The following FAM222B variants were observed in gnomAD, a reference collection of about 807,000 sequenced individuals.
FAM222B encodes the protein protein FAM222B.
A neutral mutation model predicts 38.0 loss-of-function variants in FAM222B; 12 were observed. The ratio of observed to expected loss-of-function variants is 0.32; its 90% CI spans 0.20 to 0.51. The LOEUF is 0.51. Ranked by LOEUF, FAM222B falls within the 20% of genes least tolerant of loss-of-function variation. The pLI is 0.97. For synonymous variants in FAM222B, 329 were observed against 317.2 expected (o/e 1.04, Z -0.40); for missense variants, 716 against 754.2 (o/e 0.95, Z 0.59).
chr17:28,798,479 C>A (rs150383570), intron 1 of FAM222B, among the ~76,000 whole-genome samples: 23 of 152,244 alleles, frequency 1.5e-4, no homozygotes, highest in Non-Finnish European at 2.2e-4. Flanking sequence ...CAGAGCAATC[C>A]TCACTAAGAA....
At chr17:28,795,435 C>A in intron 1 of FAM222B, among the ~76,000 whole-genome samples, 1 of 152,096 alleles carries the variant, frequency 6.6e-6, no homozygotes, top group East Asian at 1.9e-4. Flanking sequence ...CCACCGCACC[C>A]AGACTTCTTT....
chr17:28,804,130 C>A (rs2037365971), intron 1 of FAM222B, among the ~76,000 whole-genome samples: 1 of 152,182 alleles, frequency 6.6e-6, no homozygotes, highest in Non-Finnish European at 1.5e-5. Context: ...GGAACCAGGA[C>A]ATCTATCTTC....
At chr17:28,766,880 G>C (rs1330135345) in intron 1 of FAM222B, 173 bp from the exon 2 acceptor site, 5 of 537,588 alleles carry the variant, frequency 9.3e-6, no homozygotes, top group Non-Finnish European at 1.3e-5. Context: ...ACAATTTGCT[G>C]TCAAATATCA....
chr17:28,791,944 A>G (rs1312523658), intron 1 of FAM222B, among the ~76,000 whole-genome samples: 1 of 150,790 alleles, frequency 6.6e-6, no homozygotes, highest in Non-Finnish European at 1.5e-5. Flanking sequence ...AAAGGTGTGA[A>G]CCACCTGTGC....
At chr17:28,784,798 A>G (rs562900283) in intron 1 of FAM222B, among the ~76,000 whole-genome samples, 1 of 152,074 alleles carries the variant, frequency 6.6e-6, no homozygotes, top group South Asian at 2.1e-4. Flanking sequence ...CCCAGGCTTC[A>G]ATATCCAATG....
intron 1 of FAM222B, among the ~76,000 whole-genome samples, chr17:28,770,646 T>C (rs1371296625): frequency 2.0e-5 from 3 of 151,334 alleles, no homozygotes; most frequent in Non-Finnish European, 4.4e-5. Context: ...TCTCGGCGGC[T>C]ACAATGCTCC....
At chr17:28,764,185 C>G (rs1174916081) in intron 2 of FAM222B, among the ~76,000 whole-genome samples, 2 of 148,374 alleles carry the variant, frequency 1.3e-5, no homozygotes, top group East Asian at 4.0e-4. Context: ...GGCAGGAGCA[C>G]TGCTTAAACC....
At chr17:28,795,956 A>G (rs1333363931) in intron 1 of FAM222B, among the ~76,000 whole-genome samples, 2 of 152,208 alleles carry the variant, frequency 1.3e-5, no homozygotes, top group Non-Finnish European at 2.9e-5. Context: ...TGCTCCTAAT[A>G]GATTATTTTA....
chr17:28,794,127 A>G (rs1340476905), intron 1 of FAM222B, among the ~76,000 whole-genome samples: 1 of 152,146 alleles, frequency 6.6e-6, no homozygotes, highest in Non-Finnish European at 1.5e-5. Context: ...ACACAACAAC[A>G]AAGGATACGA....
intron 1 of FAM222B, among the ~76,000 whole-genome samples, chr17:28,854,170 C>G (rs944561520): frequency 2.0e-5 from 3 of 152,082 alleles, no homozygotes; most frequent in African/African-American, 4.8e-5. Flanking sequence ...GTCTCGATCT[C>G]CTGACCTCGT....
chr17:28,772,093 A>G (rs541594995), intron 1 of FAM222B, among the ~76,000 whole-genome samples: 1 of 152,250 alleles, frequency 6.6e-6, no homozygotes, highest in Admixed American at 6.5e-5. Context: ...ATAAGGGGGA[A>G]AAAATCACTG....
At chr17:28,829,511 T>C (rs1363046839) in intron 1 of FAM222B, among the ~76,000 whole-genome samples, 1 of 152,188 alleles carries the variant, frequency 6.6e-6, no homozygotes, top group Non-Finnish European at 1.5e-5. Flanking sequence ...ATCACTGATC[T>C]GTTCCCCACT....
chr17:28,781,531 G>C (rs1380814527), intron 1 of FAM222B, among the ~76,000 whole-genome samples: 1 of 152,042 alleles, frequency 6.6e-6, no homozygotes, highest in Non-Finnish European at 1.5e-5. Flanking sequence ...TCCCACTACT[G>C]GGCATATATA....
intron 1 of FAM222B, among the ~76,000 whole-genome samples, chr17:28,803,090 C>G (rs1176219283): frequency 2.6e-5 from 4 of 151,962 alleles, no homozygotes; most frequent in Non-Finnish European, 4.4e-5. Context: ...CTCACTGCAA[C>G]CTCCACCTCC....
At chr17:28,781,948 T>C (rs1238328567) in intron 1 of FAM222B, among the ~76,000 whole-genome samples, 1 of 152,134 alleles carries the variant, frequency 6.6e-6, no homozygotes, top group Non-Finnish European at 1.5e-5. Flanking sequence ...ATGGTGACTA[T>C]AGTTAATAAC....
rs573742014 is a variant in FAM222B at position 28,771,093 on chromosome 17, T to C, written c.-40-4386A>G. Among the ~76,000 whole-genome samples the C allele has an allele frequency of 5.3e-5, 8 of 151,400 alleles. No homozygotes were observed. In the South Asian group the frequency reaches 1.0e-3, roughly 20 times the overall value. On this transcript the variant is annotated intron_variant, in intron 1 of 2. Transcript: ENST00000581407. ...CCATCTTGGCCTTCTAAGGGAAAGA[T>C]AGGTAAATGAAAAGACTGCTAAATC...
chr17:28,779,317 A>C (rs1449399905), intron 1 of FAM222B, among the ~76,000 whole-genome samples: 1 of 152,172 alleles, frequency 6.6e-6, no homozygotes, highest in African/African-American at 2.4e-5. Flanking sequence ...ACAGCCCATT[A>C]AAAGAAGCAT....
At position 28,758,520 on chromosome 17, in the gene FAM222B, G is replaced by A. The variant is rs755347743; in HGVS notation, c.1439C>T (p.Pro480Leu). 1.2e-6 allele frequency: 2 copies of A among 1,611,582 alleles called. No individual in the cohort carries two copies. Among genetic ancestry groups the A allele is most frequent in the South Asian group, 2.2e-5 (2 of 91,078 alleles). ...DLAMPFHGGQ[P>L]TGAPLDCAAA... ...CGCACAGTCGAGGGGTGCACCTGTG[G>A]GCTGCCCACCGTGGAACGGCATGGC... Residue 480 changes from proline (P) to leucine (L), a missense_variant, in exon 3 of 3, where the codon CCC becomes CTC. Pro to Leu is a moderately conservative substitution (Grantham distance 98). Transcript: ENST00000581407.
rs1016890188 is a variant in FAM222B at position 28,756,393 on chromosome 17, C to T, written c.*1877G>A. The T allele has an allele frequency of 2.0e-5, 3 of 152,514 alleles. No homozygotes were observed. The highest frequency in any genetic ancestry group is 2.0e-4 in the Admixed American group (3 of 15,262). The allele number at this position is 152,514 out of a possible 1,614,324, so 9.4% of individuals were successfully genotyped here. ...TGACTTAAAGCCCCCAAGTTGGTGT[C>T]TGGTCCAGTTTCCTAAAATAGCAGC... On this transcript the variant is annotated 3_prime_UTR_variant, in exon 3 of 3. Coordinates refer to ENST00000581407, the MANE Select transcript of FAM222B (RefSeq NM_001077498.3).
Sources: gnomAD v4.1 joint callset for allele counts (sites outside exome capture counted in the v4.1 genomes callset) on GRCh38, gnomAD v4.1.1 for gene constraint, MANE v1.5 for transcripts, NCBI Gene and HGNC (gene_info 2026-07-23, HGNC 2026-07-21) for gene names.